ATP10A: variants seen among roughly 807,000 people sequenced by gnomAD.
ATP10A encodes the protein ATPase phospholipid transporting 10A (putative).
A neutral mutation model predicts 147.8 loss-of-function variants in ATP10A; 111 were observed. The observed-to-expected ratio is 0.75, with a 90% CI of 0.64 to 0.88. The LOEUF (loss-of-function observed/expected upper bound fraction) is 0.88, where lower values mean the gene tolerates loss of function less well. Among genes scored for constraint, ATP10A ranks in the 40% least tolerant of loss-of-function variants. The pLI, the probability that ATP10A is intolerant of heterozygous loss-of-function variation, is 0.00. For synonymous variants in ATP10A, 875 were observed against 841.6 expected, an observed-to-expected ratio of 1.04 and a Z score of -0.69; for missense variants, 1,927 against 1,959.0, an observed-to-expected ratio of 0.98 and a Z score of 0.31.
chr15:25,816,357 T>C (rs1373562), intron 1 of ATP10A, among the ~76,000 whole-genome samples: 123,255 of 151,926 alleles, frequency 0.81, 50,070 homozygotes, highest in East Asian at 0.84. Context: ...AGCCACCACA[T>C]CCAGCTGCTT....
intron 2 of ATP10A, among the ~76,000 whole-genome samples, chr15:25,751,551 C>T (rs886068117): frequency 7.9e-5 from 12 of 152,090 alleles, no homozygotes; most frequent in African/African-American, 2.9e-4. Context: ...CCATAACTCA[C>T]ATTATAAAAA....
chr15:25,733,764 C>T (rs1379072837), intron 3 of ATP10A, among the ~76,000 whole-genome samples: 6 of 152,188 alleles, frequency 3.9e-5, no homozygotes, highest in Admixed American at 1.3e-4. Context: ...CAGGGTTGGA[C>T]GATGGGTGGA....
At chr15:25,741,649 G>A (rs566408019) in intron 2 of ATP10A, among the ~76,000 whole-genome samples, 38 of 151,976 alleles carry the variant, frequency 2.5e-4, no homozygotes, top group Non-Finnish European at 4.4e-4. Flanking sequence ...ACCACTTGAT[G>A]GTCAGTGCTG....
rs746670267 is a variant in ATP10A at position 25,718,137 on chromosome 15, G to C, written c.1581+45C>G. The C allele has an allele frequency of 3.8e-6, 6 of 1,578,740 alleles. No homozygotes were observed. The East Asian group carries it at 1.1e-4, about 30-fold the overall frequency. On this transcript the variant is annotated intron_variant, in intron 8 of 20. Transcript: ENST00000555815. Reference sequence around the variant, plus strand: ...CATGAGCGGGGGATGGTGAAAATGGGGAAGAGACGTGGCAGCACCCTAGCA... The same window carrying C: ...CATGAGCGGGGGATGGTGAAAATGGCGAAGAGACGTGGCAGCACCCTAGCA...
intron 1 of ATP10A, among the ~76,000 whole-genome samples, chr15:25,813,552 T>A (rs2140824657): frequency 1.3e-5 from 2 of 151,810 alleles, no homozygotes; most frequent in South Asian, 2.1e-4. Context: ...AAAGCATCAA[T>A]CAATAGAAAA....
In ATP10A at chr15:25,821,600, A is replaced by G. The variant is rs116698097; in HGVS notation, c.450-40377T>C. 1.9e-3 allele frequency among the ~76,000 whole-genome samples: 290 copies of G among 152,236 alleles called. 3 individuals carry two copies. Among genetic ancestry groups the G allele is most frequent in the African/African-American group, 6.5e-3 (271 of 41,556 alleles). On this transcript the variant is annotated intron_variant, in intron 1 of 20. Transcript: ENST00000555815. The stretch of plus-strand genomic sequence containing the variant: ...TTTCAACTGTGGCATCCAATTTTGG[A>G]AGGGGTTTTGCTTGAAATCACTGGA...
rs1455686489 is a variant in ATP10A at position 25,726,019 on chromosome 15, C to T, written c.911G>A (p.Arg304Lys). 1.2e-6 allele frequency: 2 copies of T among 1,614,022 alleles called. No homozygotes were observed. The highest frequency in any genetic ancestry group is 2.7e-5 in the African/African-American group (2 of 74,934). Residue 304 changes from arginine to lysine, a missense_variant, in exon 5 of 21, where the codon AGG becomes AAG. Physicochemically the swap from Arg to Lys is conservative, Grantham distance 26. Coordinates refer to ENST00000555815, the MANE Select transcript of ATP10A (RefSeq NM_024490.4). Reference protein sequence around the residue: ...GPRYKRSKLERQMNCDVLWCV... With the variant: ...GPRYKRSKLEKQMNCDVLWCV... ...CCAGAGCACGTCGCAGTTCATCTGC[C>T]TCTCCAGCTTGCTGCGCTTGTAGCG...
chr15:25,733,043 C>A (rs536339732), intron 3 of ATP10A, among the ~76,000 whole-genome samples: 16 of 152,272 alleles, frequency 1.1e-4, no homozygotes, highest in African/African-American at 3.8e-4. Flanking sequence ...AGACTTGGGT[C>A]TTCTTGCTAC....
intron 1 of ATP10A, among the ~76,000 whole-genome samples, chr15:25,859,658 A>G (rs1477690604): frequency 6.6e-6 from 1 of 152,032 alleles, no homozygotes; most frequent in East Asian, 1.9e-4. Flanking sequence ...GAAATCCATT[A>G]GGAGAAAATG....
intron 2 of ATP10A, among the ~76,000 whole-genome samples, chr15:25,765,676 C>T (rs1169761255): frequency 6.6e-6 from 1 of 152,214 alleles, no homozygotes; most frequent in African/African-American, 2.4e-5. Context: ...CATCTAATAC[C>T]CAAACTCTCC....
intron 8 of ATP10A, among the ~76,000 whole-genome samples, chr15:25,717,794 G>T (rs1358810919): frequency 2.0e-5 from 3 of 152,234 alleles, no homozygotes; most frequent in Non-Finnish European, 4.4e-5. Context: ...CGGCTGACAA[G>T]GCCAGGCAGA....
chr15:25,772,146 C>T (rs1049128493), intron 2 of ATP10A, among the ~76,000 whole-genome samples: 1 of 152,156 alleles, frequency 6.6e-6, no homozygotes, highest in Non-Finnish European at 1.5e-5. Context: ...ATACTTCTGC[C>T]TCAGTCACTC....
At chr15:25,844,009 G>T (rs865953625) in intron 1 of ATP10A, among the ~76,000 whole-genome samples, 2 of 152,228 alleles carry the variant, frequency 1.3e-5, no homozygotes, top group Middle Eastern at 3.4e-3. Flanking sequence ...CACCACAGTG[G>T]ATACCTGTGT....
At chr15:25,809,659 T>G (rs2140811559) in intron 1 of ATP10A, among the ~76,000 whole-genome samples, 1 of 152,254 alleles carries the variant, frequency 6.6e-6, no homozygotes, top group South Asian at 2.1e-4. Context: ...CATGGTTCCA[T>G]ATATGTACTA....
chr15:25,821,089 A>G (rs1339903478), intron 1 of ATP10A, among the ~76,000 whole-genome samples: 1 of 152,218 alleles, frequency 6.6e-6, no homozygotes, highest in Non-Finnish European at 1.5e-5. Flanking sequence ...AAAACTGGCA[A>G]AGAAACAGGC....
chr15:25,799,793 A>C (rs2140776705), intron 1 of ATP10A, among the ~76,000 whole-genome samples: 1 of 152,292 alleles, frequency 6.6e-6, no homozygotes, highest in Non-Finnish European at 1.5e-5. Flanking sequence ...TCAGGGCATC[A>C]CTGTGAGGGA....
intron 1 of ATP10A, among the ~76,000 whole-genome samples, chr15:25,789,565 A>AGTGTGTGTGTGT (rs59744412): frequency 0.082 from 11,617 of 141,340 alleles, 503 homozygotes; most frequent in African/African-American, 0.13. Context: ...CCAATAAAGA[A>AGTGTGTGTGTGT]GTGTGTGTGT....
chr15:25,732,375 A>G (rs1886985748), intron 3 of ATP10A, among the ~76,000 whole-genome samples: 1 of 151,834 alleles, frequency 6.6e-6, no homozygotes, highest in South Asian at 2.1e-4. Context: ...AGCTGGTACT[A>G]TAGGAGTGCA....
At chr15:25,806,687 A>G (rs1025616375) in intron 1 of ATP10A, among the ~76,000 whole-genome samples, 1 of 152,172 alleles carries the variant, frequency 6.6e-6, no homozygotes, top group Non-Finnish European at 1.5e-5. Flanking sequence ...CATCTAACGT[A>G]CAAAATATGA....
Sources: gnomAD v4.1 joint callset for allele counts (sites outside exome capture counted in the v4.1 genomes callset) on GRCh38, gnomAD v4.1.1 for gene constraint, MANE v1.5 for transcripts, NCBI Gene and HGNC (gene_info 2026-07-23, HGNC 2026-07-21) for gene names.